Variants in INPP5F observed in about 807,000 individuals in gnomAD.
The protein encoded by INPP5F is phosphatidylinositide 4-phosphatase SAC2.
In INPP5F, 97 loss-of-function variants were observed where a neutral mutation model predicts 137.2. The ratio of observed to expected loss-of-function variants is 0.71; its 90% CI spans 0.60 to 0.84. The LOEUF (loss-of-function observed/expected upper bound fraction) is 0.84. Ranked by LOEUF, INPP5F falls within the 40% of genes least tolerant of loss-of-function variation. The pLI is 0.00. For synonymous variants in INPP5F, 504 were observed against 476.9 expected, an observed-to-expected ratio of 1.06 and a Z score of -0.74; for missense variants, 1,271 against 1,371.9, an observed-to-expected ratio of 0.93 and a Z score of 1.16.
At position 119,827,344 on chromosome 10, in the gene INPP5F, G is replaced by T; in HGVS notation, c.2963G>T (p.Arg988Ile). 6.2e-7 allele frequency: 1 copy of T among 1,614,200 alleles called. No individual in the cohort carries two copies. The highest frequency in any genetic ancestry group is 8.5e-7 in the Non-Finnish European group (1 of 1,180,034). Reference sequence around the variant, plus strand: ...GTGTCTCAGCAGGCTAGTCAGGAAAGAAATCAAATGACCAATCAAGTTTCA... The same window carrying T: ...GTGTCTCAGCAGGCTAGTCAGGAAATAAATCAAATGACCAATCAAGTTTCA... The part of the protein sequence containing the change: ...RSVSQQASQE[R>I]NQMTNQVSNE... The change falls in exon 20 of 20, where the codon AGA becomes ATA. Residue 988 changes from arginine to isoleucine, a missense_variant. Around this residue, in one of 6 missense-constraint regions of INPP5F, gnomAD observed 490 missense variants for 443.7 expected, o/e 1.10. Coordinates refer to ENST00000650623, the MANE Select transcript of INPP5F (RefSeq NM_014937.4).
chr10:119,759,034 A>G (rs140667493), intron 2 of INPP5F, among the ~76,000 whole-genome samples: 1 of 152,298 alleles, frequency 6.6e-6, no homozygotes, highest in African/African-American at 2.4e-5. Context: ...CCTTAAGTAC[A>G]TTGGAGAGAA....
intron 12 of INPP5F, among the ~76,000 whole-genome samples, chr10:119,807,027 T>C (rs1040746307): frequency 1.3e-5 from 2 of 152,048 alleles, no homozygotes; most frequent in African/African-American, 2.4e-5. Context: ...TCCAAGCACT[T>C]TGGGAGGCTG....
rs1402920628 is a variant in INPP5F at position 119,804,265 on chromosome 10, C to T, written c.1209C>T (p.Leu403=). Residue 403 remains leucine, a synonymous_variant, in exon 10 of 20, where the codon CTC becomes CTT. Transcript: ENST00000650623. ...TGTTGCTTTTCAACAACTCACACCT[C>T]ACTTACGTTTCGTTTGACTTCCATG... is the stretch of plus-strand genomic sequence containing the variant. ...KQVLLFNNSH[L]TYVSFDFHEH... is the part of the protein sequence containing the mutation. 1 of 1,612,144 alleles carries T rather than the reference C, an allele frequency of 6.2e-7. No individual in the cohort carries two copies. The highest frequency in any genetic ancestry group is 8.5e-7 in the Non-Finnish European group (1 of 1,179,542).
chr10:119,787,648 G>A lies in INPP5F; in HGVS notation c.316-3869G>A, dbSNP rs930805035. On this transcript the variant is annotated intron_variant, in intron 3 of 19. Coordinates refer to ENST00000650623, the MANE Select transcript of INPP5F (RefSeq NM_014937.4). This position sits in a 1 kb window ranked among gnomAD's most constrained non-coding sequence, Gnocchi z 4.1. ...GGAAGGGGGAGGGGAAGGGGAGGAG[G>A]AAGGGAGGAAGGCAGGCAGGCAGGC... 5.9e-4 allele frequency among the ~76,000 whole-genome samples: 90 copies of A among 151,918 alleles called. No individual in the cohort carries two copies. Among genetic ancestry groups the A allele is most frequent in the African/African-American group, 2.1e-3 (88 of 41,486 alleles).
intron 2 of INPP5F, among the ~76,000 whole-genome samples, chr10:119,774,500 T>G (rs1200308961): frequency 6.6e-6 from 1 of 151,694 alleles, no homozygotes; most frequent in African/African-American, 2.4e-5. Context: ...GTTTTGTTTT[T>G]TTTTTTCTTT....
At chr10:119,743,353 A>G (rs1848432229) in intron 1 of INPP5F, among the ~76,000 whole-genome samples, 1 of 152,192 alleles carries the variant, frequency 6.6e-6, no homozygotes, top group Non-Finnish European at 1.5e-5. Context: ...GACAAGGTCT[A>G]AGTGAGCTTC....
chr10:119,787,623 G>A lies in INPP5F; in HGVS notation c.316-3894G>A, dbSNP rs1849968685. ...AAGGAAAGGATAGAAGGAAGGAAAG[G>A]GAAGGGGGAGGGGAAGGGGAGGAGG... On this transcript the variant is annotated intron_variant, in intron 3 of 19. Coordinates refer to ENST00000650623, the MANE Select transcript of INPP5F (RefSeq NM_014937.4). The surrounding 1 kb of genome is among the most constrained non-coding windows in gnomAD (Gnocchi z 4.1). Among the ~76,000 whole-genome samples the A allele has an allele frequency of 6.6e-6, 1 of 151,708 alleles. No individual in the cohort carries two copies. The highest frequency in any genetic ancestry group is 1.9e-4 in the East Asian group (1 of 5,180).
intron 2 of INPP5F, among the ~76,000 whole-genome samples, chr10:119,758,802 C>T (rs1333955034): frequency 1.3e-5 from 2 of 152,202 alleles, no homozygotes; most frequent in East Asian, 1.9e-4. Context: ...AAATAATACT[C>T]GCCATCTGCT....
At chr10:119,761,824 T>G (rs773713170) in intron 2 of INPP5F, among the ~76,000 whole-genome samples, 1 of 152,190 alleles carries the variant, frequency 6.6e-6, no homozygotes, top group African/African-American at 2.4e-5. Flanking sequence ...TACCAAAGAT[T>G]TGTAAATAAA....
chr10:119,730,085 T>G (rs1848011832), intron 1 of INPP5F, among the ~76,000 whole-genome samples: 1 of 152,106 alleles, frequency 6.6e-6, no homozygotes, highest in Admixed American at 6.5e-5. Context: ...TGTTGTAAGA[T>G]AATGACTACT....
chr10:119,812,160 A>G (rs1851063385), intron 15 of INPP5F, among the ~76,000 whole-genome samples: 1 of 152,234 alleles, frequency 6.6e-6, no homozygotes, highest in African/African-American at 2.4e-5. Flanking sequence ...TTGGTAATGA[A>G]GAAAAATATT....
At chr10:119,781,536 C>CTTTTTTTTTTTTTT in intron 2 of INPP5F, 99 bp from the exon 3 acceptor site, 1 of 951,934 alleles carries the variant, frequency 1.1e-6, no homozygotes. Context: ...TGGATGCACA[C>CTTTTTTTTTTTTTT]TTTTTTTTTT....
chr10:119,795,669 A>G (rs1850349418), intron 6 of INPP5F, among the ~76,000 whole-genome samples: 1 of 151,838 alleles, frequency 6.6e-6, no homozygotes, highest in African/African-American at 2.4e-5. Context: ...CACTTCCCAG[A>G]CGGGGTGGCG....
At chr10:119,777,854 C>G (rs904091670) in intron 2 of INPP5F, among the ~76,000 whole-genome samples, 4 of 152,080 alleles carry the variant, frequency 2.6e-5, no homozygotes, top group African/African-American at 9.7e-5. Flanking sequence ...TTCCACCCTA[C>G]TTTATAAGGA....
intron 14 of INPP5F, among the ~76,000 whole-genome samples, chr10:119,811,366 G>A (rs1330028238): frequency 2.0e-5 from 3 of 152,106 alleles, no homozygotes; most frequent in Non-Finnish European, 2.9e-5. Flanking sequence ...TTAAGGCTGC[G>A]CCGCATGCCC....
intron 3 of INPP5F, among the ~76,000 whole-genome samples, chr10:119,789,944 G>A (rs1419535442): frequency 3.3e-5 from 5 of 150,690 alleles, no homozygotes; most frequent in African/African-American, 4.9e-5. Flanking sequence ...GGACTCAGAC[G>A]CTACTGAGAG....
At chr10:119,785,742 A>G (rs1369904680) in intron 3 of INPP5F, among the ~76,000 whole-genome samples, 6 of 152,030 alleles carry the variant, frequency 3.9e-5, no homozygotes, top group Non-Finnish European at 4.4e-5. Context: ...ACCTGTAGTC[A>G]CAGGTACTCA....
intron 6 of INPP5F, among the ~76,000 whole-genome samples, chr10:119,795,932 G>C (rs926261130): frequency 2.6e-5 from 4 of 152,158 alleles, no homozygotes; most frequent in Non-Finnish European, 4.4e-5. Context: ...ATGAAAACCA[G>C]TCAGGCGTGG....
At chr10:119,761,374 T>C (rs1849004484) in intron 2 of INPP5F, among the ~76,000 whole-genome samples, 1 of 152,244 alleles carries the variant, frequency 6.6e-6, no homozygotes, top group African/African-American at 2.4e-5. Flanking sequence ...AAATTAATAG[T>C]TGGCTCTTTA....
Sources: gnomAD v4.1 joint callset for allele counts (sites outside exome capture counted in the v4.1 genomes callset) on GRCh38, gnomAD v4.1.1 for gene constraint, gnomAD v4.1.1 regional missense constraint, Gnocchi (gnomAD v3.1) non-coding constraint, MANE v1.5 for transcripts, NCBI Gene and HGNC (gene_info 2026-07-23, HGNC 2026-07-21) for gene names.